Variants in SSR1 observed in about 807,000 individuals in gnomAD.
The protein encoded by SSR1 is signal sequence receptor subunit 1.
A neutral mutation model predicts 36.1 loss-of-function variants in SSR1; 13 were observed. That is an observed-to-expected ratio of 0.36 (90% CI 0.23 to 0.57). The LOEUF (loss-of-function observed/expected upper bound fraction) is 0.57, where lower values mean the gene tolerates loss of function less well. SSR1 is among the 20% of genes least tolerant of loss of function. The probability of loss-of-function intolerance (pLI) is 0.81; values close to 1 mark genes in which losing one functional copy is unlikely to be tolerated. For synonymous variants in SSR1, 113 were observed against 118.9 expected (o/e 0.95, Z 0.32); for missense variants, 291 against 338.5 (o/e 0.86, Z 1.10).
intron 2 of SSR1, among the ~76,000 whole-genome samples, chr6:7,306,228 T>C (rs539752700): frequency 5.9e-5 from 9 of 152,320 alleles, no homozygotes; most frequent in South Asian, 2.1e-4. Context: ...CTGTAAGCTC[T>C]GCCTCCCAGG....
chr6:7,282,411 T>G lies in SSR1; in HGVS notation c.*7453A>C, dbSNP rs1343246581. 6.6e-6 allele frequency: 1 copy of G among 152,208 alleles called. No homozygotes were observed. Among genetic ancestry groups the G allele is most frequent in the East Asian group, 1.9e-4 (1 of 5,200 alleles). The allele number at this position is 152,208 out of a possible 1,614,324, so 9.4% of individuals were successfully genotyped here. On this transcript the variant is annotated 3_prime_UTR_variant, in exon 8 of 8. Coordinates refer to ENST00000244763, the MANE Select transcript of SSR1 (RefSeq NM_003144.5). ...TCTGGAGAAAAAAGCCTCTCAAGAC[T>G]GGAAGGGACAGGAGCTGGTGACCAT...
At position 7,289,942 on chromosome 6, in the gene SSR1, A is replaced by G. The variant is rs1471871871; in HGVS notation, c.794-11T>C. 2 of 1,533,862 alleles carry G rather than the reference A, an allele frequency of 1.3e-6. No individual in the cohort carries two copies. The highest frequency in any genetic ancestry group is 2.5e-5 in the East Asian group (1 of 39,798). ...TTGGTGAAGCTTTATCTGGAAGAAA[A>G]GAGAAAGTTTTAAGCTTGCCTATTA... is the stretch of plus-strand genomic sequence containing the variant. On this transcript the variant is annotated splice_polypyrimidine_tract_variant and intron_variant, in intron 7 of 7. Transcript: ENST00000244763.
Position 7,306,829 on chromosome 6 carries a change from TG to T in SSR1, c.192+3087del, listed in dbSNP as rs1249116512. ...TACTCGGGAGACTGAGGCAGGAGAC[TG>T]GCGTGAACCCGGGAGGTGGAGCTTG... On this transcript the variant is annotated intron_variant, in intron 2 of 7. Coordinates refer to ENST00000244763, the MANE Select transcript of SSR1 (RefSeq NM_003144.5). 1.8e-4 allele frequency among the ~76,000 whole-genome samples: 26 copies of T among 142,046 alleles called. No individual in the cohort carries two copies. In the East Asian group the frequency reaches 4.6e-3, roughly 25 times the overall value. The allele number at this position is 142,046 out of a possible 152,430, so 93.2% of individuals were successfully genotyped here.
intron 7 of SSR1, among the ~76,000 whole-genome samples, chr6:7,291,621 C>T (rs1242788533): frequency 1.3e-5 from 2 of 152,176 alleles, no homozygotes; most frequent in African/African-American, 4.8e-5. Flanking sequence ...CAACTTTTAT[C>T]AGATTTTCAA....
chr6:7,286,708 T>C lies in SSR1; in HGVS notation c.*3156A>G, dbSNP rs1757561779. The C allele has an allele frequency of 6.6e-6, 1 of 152,018 alleles. No individual in the cohort carries two copies. Among genetic ancestry groups the C allele is most frequent in the Non-Finnish European group, 1.5e-5 (1 of 67,996 alleles). The allele number at this position is 152,018 out of a possible 1,614,324, so 9.4% of individuals were successfully genotyped here. A position where few individuals can be genotyped will look rare whatever the true frequency, so the allele number is the denominator to read the frequency against. On this transcript the variant is annotated 3_prime_UTR_variant, in exon 8 of 8. Coordinates refer to ENST00000244763, the MANE Select transcript of SSR1 (RefSeq NM_003144.5). Reference sequence around the variant, plus strand: ...AGGCGTATCACCTGTGGTCAGGAGTTCAAGACCAGCCTGGCCAAATGACGA... The same window carrying C: ...AGGCGTATCACCTGTGGTCAGGAGTCCAAGACCAGCCTGGCCAAATGACGA...
chr6:7,312,930 C>G, intron 1 of SSR1, 112 bp downstream of exon 1: 1 of 1,078,570 alleles, frequency 9.3e-7, no homozygotes, highest in Non-Finnish European at 1.4e-6. Flanking sequence ...GAGAGGCCAG[C>G]GGGGTGGACG....
chr6:7,306,777 G>A (rs562281718), intron 2 of SSR1, among the ~76,000 whole-genome samples: 24 of 151,988 alleles, frequency 1.6e-4, no homozygotes, highest in South Asian at 4.2e-4. Flanking sequence ...TTAGCCGGGT[G>A]TGGTGGCGGG....
intron 7 of SSR1, among the ~76,000 whole-genome samples, chr6:7,291,931 G>A (rs1757691866): frequency 1.3e-5 from 2 of 152,064 alleles, no homozygotes; most frequent in African/African-American, 4.8e-5. Context: ...AATTCAGCTG[G>A]GCATGGTGGT....
chr6:7,304,163 TC>T lies in SSR1; in HGVS notation c.193-527del, dbSNP rs1758001289. ...TAATTCAGGTCTAGGGCAAAGCCTATCATTCTCTTTCTAACAAGCACCCAGA... is the reference window on the plus strand; with the variant it reads ...TAATTCAGGTCTAGGGCAAAGCCTATATTCTCTTTCTAACAAGCACCCAGA... On this transcript the variant is annotated intron_variant, in intron 2 of 7. Transcript: ENST00000244763. Among the ~76,000 whole-genome samples, 6 of 152,358 alleles carry T rather than the reference TC, an allele frequency of 3.9e-5. No homozygotes were observed. The South Asian group carries it at 1.2e-3, about 32-fold the overall frequency.
chr6:7,295,029 T>C (rs1218358233), intron 7 of SSR1: 46 of 1,414,516 alleles, frequency 3.3e-5, no homozygotes, highest in Non-Finnish European at 4.3e-5. Context: ...AATATTTACG[T>C]GCTATTTGAG....
chr6:7,303,927 T>C (rs3778327), intron 2 of SSR1, among the ~76,000 whole-genome samples: 70,771 of 152,128 alleles, frequency 0.47, 16,503 homozygotes, highest in East Asian at 0.57. Context: ...GTAGAGGTTG[T>C]ATGAGCTGAG....
intron 6 of SSR1, among the ~76,000 whole-genome samples, chr6:7,297,669 G>C (rs925131904): frequency 6.6e-6 from 1 of 152,028 alleles, no homozygotes; most frequent in Non-Finnish European, 1.5e-5. Flanking sequence ...AGGCCACAAT[G>C]AGCTAAGATC....
chr6:7,287,924 T>TA lies in SSR1; in HGVS notation c.*1939dup, dbSNP rs748643158. ...GAGTTCAACTGTTCTCAATCTATGC[T>TA]AAAAAAAAAAAAATGACAAATAATA... On this transcript the variant is annotated 3_prime_UTR_variant, in exon 8 of 8. Coordinates refer to ENST00000244763, the MANE Select transcript of SSR1 (RefSeq NM_003144.5). 0.026 allele frequency: 3,764 copies of TA among 142,364 alleles called. 61 individuals carry two copies. The highest frequency in any genetic ancestry group is 0.045 in the African/African-American group (1,760 of 38,874). The allele number at this position is 142,364 out of a possible 1,614,324, so 8.8% of individuals were successfully genotyped here.
chr6:7,309,256 T>C (rs1359438), intron 2 of SSR1, among the ~76,000 whole-genome samples: 46,300 of 152,054 alleles, frequency 0.3, 7,823 homozygotes, highest in African/African-American at 0.46. Context: ...CCAGAAGTTT[T>C]AGACTAGCCT....
At chr6:7,312,758 G>A (rs1317439413) in intron 1 of SSR1, among the ~76,000 whole-genome samples, 2 of 152,230 alleles carry the variant, frequency 1.3e-5, no homozygotes, top group Non-Finnish European at 2.9e-5. Flanking sequence ...CTGCAGGCGA[G>A]GGTCCAGGGC....
intron 1 of SSR1, among the ~76,000 whole-genome samples, chr6:7,311,829 T>C (rs1758200143): frequency 6.6e-6 from 1 of 152,246 alleles, no homozygotes; most frequent in South Asian, 2.1e-4. Context: ...AATTCATGCT[T>C]CTTGAAAGTT....
chr6:7,301,204 T>G, intron 4 of SSR1, 106 bp downstream of exon 4: 1 of 1,385,054 alleles, frequency 7.2e-7, no homozygotes, highest in Non-Finnish European at 9.7e-7. Context: ...TATCACAGGT[T>G]CAACCACAAA....
At position 7,310,039 on chromosome 6, in the gene SSR1, A is replaced by C. The variant is rs1440663921; in HGVS notation, c.80-10T>G. ...GCCACTGCTAACAAGCCTAATGATA[A>C]AATACAGAAAAAGCAGTTACCCTTT... On this transcript the variant is annotated splice_polypyrimidine_tract_variant and intron_variant, in intron 1 of 7. Coordinates refer to ENST00000244763, the MANE Select transcript of SSR1 (RefSeq NM_003144.5). 1 of 1,598,142 alleles carries C rather than the reference A, an allele frequency of 6.3e-7. No homozygotes were observed. Among genetic ancestry groups the C allele is most frequent in the African/African-American group, 1.3e-5 (1 of 74,450 alleles).
At chr6:7,302,999 G>A (rs897380399) in intron 3 of SSR1, among the ~76,000 whole-genome samples, 6 of 151,706 alleles carry the variant, frequency 4.0e-5, no homozygotes, top group Admixed American at 3.9e-4. Flanking sequence ...AGCCAGGCGT[G>A]GTGGCACGTG....
Sources: allele counts gnomAD v4.1 joint callset (sites outside exome capture counted in the v4.1 genomes callset), GRCh38; gene constraint gnomAD v4.1.1; transcripts MANE v1.5; gene names NCBI Gene and HGNC (gene_info 2026-07-23, HGNC 2026-07-21).